DTWD2: variants seen among roughly 807,000 people sequenced by gnomAD.
DTWD2 encodes DTW motif tRNA-uridine aminocarboxypropyltransferase 2, also known as tRNA-uridine aminocarboxypropyltransferase 2.
A neutral mutation model predicts 31.8 loss-of-function variants in DTWD2; 39 were observed. The observed-to-expected ratio is 1.22, with a 90% CI of 0.95 to 1.60. The LOEUF (loss-of-function observed/expected upper bound fraction) is 1.60. Among genes scored for constraint, DTWD2 ranks in the 40% most tolerant of loss-of-function variants. The pLI is 0.00. For synonymous variants in DTWD2, 180 were observed against 142.8 expected, an observed-to-expected ratio of 1.26 and a Z score of -1.86; for missense variants, 515 against 381.5, an observed-to-expected ratio of 1.35 and a Z score of -2.92.
intron 4 of DTWD2, among the ~76,000 whole-genome samples, chr5:118,871,089 A>C (rs1043649097): frequency 7.2e-5 from 11 of 152,146 alleles, no homozygotes; most frequent in Non-Finnish European, 1.2e-4. Flanking sequence ...CACCAGGAGT[A>C]GATTCCATCT....
At chr5:118,872,799 G>C (rs929231250) in intron 4 of DTWD2, among the ~76,000 whole-genome samples, 1 of 152,240 alleles carries the variant, frequency 6.6e-6, no homozygotes, top group Non-Finnish European at 1.5e-5. Flanking sequence ...ACACGAAGCA[G>C]AGTTGCTACA....
intron 4 of DTWD2, among the ~76,000 whole-genome samples, chr5:118,903,552 A>G (rs1753262972): frequency 6.6e-6 from 1 of 152,008 alleles, no homozygotes; most frequent in Non-Finnish European, 1.5e-5. Context: ...TACTAATACA[A>G]GTATGATCTT....
chr5:118,892,990 GAGTGGTTACTAGGA>G (rs1753006103), intron 4 of DTWD2, among the ~76,000 whole-genome samples: 1 of 151,784 alleles, frequency 6.6e-6, no homozygotes, highest in Admixed American at 6.6e-5. Flanking sequence ...ACAGATATGG[GAGTGGTTACTAGGA>G]AAATATTGTT....
Position 118,839,174 on chromosome 5 carries a change from T to C in DTWD2, c.*1743A>G, listed in dbSNP as rs1751649106. The C allele has an allele frequency of 6.6e-6, 1 of 151,622 alleles. No individual in the cohort carries two copies. The allele number at this position is 151,622 out of a possible 1,614,324, so 9.4% of individuals were successfully genotyped here. A position where few individuals can be genotyped will look rare whatever the true frequency, so the allele number is the denominator to read the frequency against. ...GAGATTCCATCTCAAATAATAATAA[T>C]AATAATAATAATGACTAAAAGAAAC... On this transcript the variant is annotated 3_prime_UTR_variant, in exon 6 of 6. Coordinates refer to ENST00000510708, the MANE Select transcript of DTWD2 (RefSeq NM_173666.4).
At chr5:118,913,424 T>G (rs1227877825) in intron 4 of DTWD2, among the ~76,000 whole-genome samples, 4 of 138,870 alleles carry the variant, frequency 2.9e-5, no homozygotes, top group African/African-American at 1.0e-4. Context: ...TATATAGATA[T>G]ATATATATAC....
intron 4 of DTWD2, among the ~76,000 whole-genome samples, chr5:118,860,604 G>C (rs1445557602): frequency 6.6e-6 from 1 of 152,090 alleles, no homozygotes; most frequent in Non-Finnish European, 1.5e-5. Flanking sequence ...ACCCTCAATA[G>C]AGTGGTAACA....
chr5:118,845,224 C>G (rs1168912665), intron 5 of DTWD2, among the ~76,000 whole-genome samples: 1 of 152,100 alleles, frequency 6.6e-6, no homozygotes, highest in Non-Finnish European at 1.5e-5. Flanking sequence ...AGAAAATTTA[C>G]TATTCTCCCC....
At chr5:118,969,191 G>A (rs1754924202) in intron 1 of DTWD2, among the ~76,000 whole-genome samples, 1 of 151,976 alleles carries the variant, frequency 6.6e-6, no homozygotes, top group African/African-American at 2.4e-5. Flanking sequence ...ACCAAGAGGG[G>A]AGGGGCGGGG....
intron 1 of DTWD2, among the ~76,000 whole-genome samples, chr5:118,985,509 T>TATATATATATATATAC (rs1755406233): frequency 8.0e-6 from 1 of 124,364 alleles, no homozygotes; most frequent in Non-Finnish European, 1.7e-5. Flanking sequence ...TATATATATA[T>TATATATATATATATAC]ATATATATAC....
chr5:118,984,290 CAAA>C (rs58684460), intron 1 of DTWD2, among the ~76,000 whole-genome samples: 1 of 140,224 alleles, frequency 7.1e-6, no homozygotes, highest in Non-Finnish European at 1.6e-5. Context: ...AACTCCATCT[CAAA>C]AAAAAAAAAA....
intron 4 of DTWD2, among the ~76,000 whole-genome samples, chr5:118,862,005 T>C (rs1752270762): frequency 1.3e-5 from 2 of 152,172 alleles, no homozygotes; most frequent in Non-Finnish European, 2.9e-5. Flanking sequence ...TACCGTTCTG[T>C]GGTCTCGCAG....
At chr5:118,980,913 T>C (rs1392265710) in intron 1 of DTWD2, among the ~76,000 whole-genome samples, 1 of 152,226 alleles carries the variant, frequency 6.6e-6, no homozygotes, top group African/African-American at 2.4e-5. Context: ...GTTCATTGCA[T>C]CATTATTGAC....
chr5:118,854,248 A>C (rs976020260), intron 4 of DTWD2, among the ~76,000 whole-genome samples: 1 of 152,166 alleles, frequency 6.6e-6, no homozygotes, highest in Non-Finnish European at 1.5e-5. Context: ...TTAATTTATA[A>C]AATATGTCAT....
chr5:118,916,593 A>T (rs1486601532), intron 4 of DTWD2, among the ~76,000 whole-genome samples: 3 of 150,348 alleles, frequency 2.0e-5, no homozygotes, highest in Non-Finnish European at 4.4e-5. Flanking sequence ...TGAACCCGGG[A>T]TGCGGAGGTT....
intron 4 of DTWD2, among the ~76,000 whole-genome samples, chr5:118,918,944 A>G (rs1260407599): frequency 6.6e-6 from 1 of 152,182 alleles, no homozygotes; most frequent in Non-Finnish European, 1.5e-5. Context: ...TACATCAAAA[A>G]CGGAGATTTT....
intron 1 of DTWD2, 25 bp downstream of exon 1, chr5:118,988,269 T>C (rs1224217946): frequency 2.0e-6 from 3 of 1,528,628 alleles, no homozygotes; most frequent in East Asian, 2.5e-5. Context: ...CCGGCTGCAG[T>C]CCCCGCCCCC....
chr5:118,894,746 A>T (rs1036788755), intron 4 of DTWD2, among the ~76,000 whole-genome samples: 3 of 152,226 alleles, frequency 2.0e-5, no homozygotes, highest in Admixed American at 2.0e-4. Context: ...AATACATCAC[A>T]TTAACAGAAC....
chr5:118,908,085 T>G (rs1444951647), intron 4 of DTWD2, among the ~76,000 whole-genome samples: 2 of 152,208 alleles, frequency 1.3e-5, no homozygotes, highest in Non-Finnish European at 2.9e-5. Context: ...TTATTTAATT[T>G]CATGTTTATT....
intron 1 of DTWD2, among the ~76,000 whole-genome samples, chr5:118,984,607 A>G (rs994346132): frequency 1.3e-5 from 2 of 152,220 alleles, no homozygotes; most frequent in African/African-American, 2.4e-5. Context: ...ATGGTGTATT[A>G]TAATTCTTAC....
Sources: allele counts gnomAD v4.1 joint callset (sites outside exome capture counted in the v4.1 genomes callset), GRCh38; gene constraint gnomAD v4.1.1; transcripts MANE v1.5; gene names NCBI Gene and HGNC (gene_info 2026-07-23, HGNC 2026-07-21).